Variants in RPS6KA2 observed in about 807,000 individuals in gnomAD.
RPS6KA2 encodes the protein ribosomal protein S6 kinase alpha-2.
In RPS6KA2, 42 loss-of-function variants were observed where a neutral mutation model predicts 91.8. The ratio of observed to expected loss-of-function variants is 0.46; its 90% CI spans 0.36 to 0.59. The LOEUF is 0.59. RPS6KA2 is among the 20% of genes least tolerant of loss of function. The pLI is 0.00. For synonymous variants in RPS6KA2, 414 were observed against 393.6 expected (o/e 1.05, Z -0.61); for missense variants, 798 against 978.5 (o/e 0.82, Z 2.46).
At chr6:166,727,317 CAA>C (rs1491187419) in intron 2 of RPS6KA2, among the ~76,000 whole-genome samples, 9 of 135,274 alleles carry the variant, frequency 6.7e-5, no homozygotes, top group African/African-American at 2.4e-4. Flanking sequence ...CTTAAACAAA[CAA>C]ACACACACAC....
At chr6:166,829,507 C>T (rs891950645) in intron 2 of RPS6KA2, among the ~76,000 whole-genome samples, 6 of 142,162 alleles carry the variant, frequency 4.2e-5, no homozygotes, top group Non-Finnish European at 8.9e-5. Context: ...AGGAGAATGG[C>T]GTGAACCTGG....
chr6:166,859,506 G>A (rs535566677), intron 1 of RPS6KA2, among the ~76,000 whole-genome samples: 8 of 152,256 alleles, frequency 5.3e-5, no homozygotes, highest in South Asian at 2.1e-4. Flanking sequence ...AGATTCTGCC[G>A]GGGTTTTCTG....
chr6:166,803,169 C>T (rs865946048), intron 2 of RPS6KA2, among the ~76,000 whole-genome samples: 2 of 152,136 alleles, frequency 1.3e-5, no homozygotes, highest in African/African-American at 4.8e-5. Flanking sequence ...ACCAAATACC[C>T]TTCAAATAGA....
intron 11 of RPS6KA2, among the ~76,000 whole-genome samples, chr6:166,468,659 C>T (rs1417908928): frequency 2.0e-5 from 3 of 151,830 alleles, no homozygotes; most frequent in Non-Finnish European, 2.9e-5. Context: ...GTCAGGAGAT[C>T]GAGATCATCC....
intron 1 of RPS6KA2, among the ~76,000 whole-genome samples, chr6:166,553,376 G>A (rs989701930): frequency 1.3e-5 from 2 of 151,484 alleles, no homozygotes; most frequent in African/African-American, 2.4e-5. Flanking sequence ...TGCCCACCAC[G>A]GACTCCCAAA....
In RPS6KA2 at chr6:166,480,493, ATATATATATAT is replaced by A. The variant is rs1469120056; in HGVS notation, c.907+8329_907+8339del. Among the ~76,000 whole-genome samples the A allele has an allele frequency of 2.3e-4, 30 of 129,702 alleles. 1 individual carries two copies. The highest frequency in any genetic ancestry group is 9.5e-4 in the African/African-American group (30 of 31,578). The allele number at this position is 129,702 out of a possible 152,430, so 85.1% of individuals were successfully genotyped here. A position where few individuals can be genotyped will look rare whatever the true frequency, so the allele number is the denominator to read the frequency against. ...AGATTGTGATTTTATATATATATAT[ATATATATATAT>A]ATATATATATAATATATTTTTTTTT... On this transcript the variant is annotated intron_variant, in intron 10 of 20. Coordinates refer to ENST00000265678, the MANE Select transcript of RPS6KA2 (RefSeq NM_021135.6).
intron 2 of RPS6KA2, among the ~76,000 whole-genome samples, chr6:166,698,121 T>C (rs1269896878): frequency 6.6e-6 from 1 of 152,068 alleles, no homozygotes; most frequent in Non-Finnish European, 1.5e-5. Flanking sequence ...ATGGGTGACA[T>C]AGGAAATGCT....
intron 2 of RPS6KA2, among the ~76,000 whole-genome samples, chr6:166,730,385 C>A (rs1323054349): frequency 7.1e-6 from 1 of 141,686 alleles, no homozygotes; most frequent in Non-Finnish European, 1.5e-5. Flanking sequence ...AAAAATATGT[C>A]ATCAGTCATA....
chr6:166,493,387 C>T lies in RPS6KA2; in HGVS notation c.748-2646G>A, dbSNP rs1002193184. Among the ~76,000 whole-genome samples, 5 of 151,978 alleles carry T rather than the reference C, an allele frequency of 3.3e-5. No homozygotes were observed. The highest frequency in any genetic ancestry group is 2.0e-4 in the Admixed American group (3 of 15,256). Reference sequence around the variant, plus strand: ...GAGCTGCCCGGGAACTTTCCAGTGCCGAAGCATTACTGACTGAGGTTTTGC... The same window carrying T: ...GAGCTGCCCGGGAACTTTCCAGTGCTGAAGCATTACTGACTGAGGTTTTGC... On this transcript the variant is annotated intron_variant, in intron 8 of 20. Transcript: ENST00000265678. This position sits in a 1 kb window ranked among gnomAD's most constrained non-coding sequence, Gnocchi z 4.7.
intron 2 of RPS6KA2, among the ~76,000 whole-genome samples, chr6:166,728,578 C>T (rs185386869): frequency 1.3e-5 from 2 of 152,166 alleles, no homozygotes; most frequent in African/African-American, 2.4e-5. Context: ...GCCCTCCTCC[C>T]CGTCAGCCAG....
chr6:166,423,464 C>G lies in RPS6KA2; in HGVS notation c.1582-47G>C. 6.4e-7 allele frequency: 1 copy of G among 1,559,332 alleles called. No homozygotes were observed. The highest frequency in any genetic ancestry group is 8.7e-7 in the Non-Finnish European group (1 of 1,143,368). ...GCCTACTTGGGGGCTGAGGACTGAGCAGGAGAGGGAGGGCAGGTGCATTTG... is the reference window on the plus strand; with the variant it reads ...GCCTACTTGGGGGCTGAGGACTGAGGAGGAGAGGGAGGGCAGGTGCATTTG... On this transcript the variant is annotated intron_variant, in intron 16 of 20. Coordinates refer to ENST00000265678, the MANE Select transcript of RPS6KA2 (RefSeq NM_021135.6). This position sits in a 1 kb window ranked among gnomAD's most constrained non-coding sequence, Gnocchi z 4.8.
At chr6:166,621,529 A>C (rs920401382) in intron 1 of RPS6KA2, among the ~76,000 whole-genome samples, 9 of 152,242 alleles carry the variant, frequency 5.9e-5, no homozygotes, top group Admixed American at 3.9e-4. Flanking sequence ...AATAGCTTTT[A>C]CTAGTGAAAA....
At position 166,832,240 on chromosome 6, in the gene RPS6KA2, C is replaced by G. The variant is rs1427946419; in HGVS notation, c.123+25960G>C. On this transcript the variant is annotated intron_variant, in intron 2 of 21. Transcript: ENST00000503859. ...GCTGATGGTGTTGGAATTTGCCTGG[C>G]CTGGGAGGAAGAGCTGAGTTAGGAT... Among the ~76,000 whole-genome samples the G allele has an allele frequency of 2.0e-5, 3 of 152,056 alleles. No individual in the cohort carries two copies. In the East Asian group the frequency reaches 5.8e-4, roughly 29 times the overall value.
At chr6:166,663,478 A>C (rs1288640951) in intron 2 of RPS6KA2, among the ~76,000 whole-genome samples, 2 of 152,232 alleles carry the variant, frequency 1.3e-5, no homozygotes, top group Admixed American at 6.5e-5. Context: ...ACGGCCAAGG[A>C]GTTCTTCAGG....
chr6:166,779,557 A>G (rs1778711918), intron 2 of RPS6KA2, among the ~76,000 whole-genome samples: 1 of 152,160 alleles, frequency 6.6e-6, no homozygotes, highest in Non-Finnish European at 1.5e-5. Context: ...AGGGAGAGAA[A>G]GAACCAGTAA....
intron 2 of RPS6KA2, among the ~76,000 whole-genome samples, chr6:166,641,244 G>T (rs894562390): frequency 6.6e-6 from 1 of 152,052 alleles, no homozygotes; most frequent in African/African-American, 2.4e-5. Context: ...TCCAAAATCA[G>T]ACCTGTACAG....
At position 166,480,514 on chromosome 6, in the gene RPS6KA2, T is replaced by TATATAA. The variant is rs1554279395; in HGVS notation, c.907+8318_907+8319insTTATAT. ...ATATATATATATATATATATATATA[T>TATATAA]AATATATTTTTTTTTTTTGAGAGAG... On this transcript the variant is annotated intron_variant, in intron 10 of 20. Coordinates refer to ENST00000265678, the MANE Select transcript of RPS6KA2 (RefSeq NM_021135.6). 4.9e-3 allele frequency among the ~76,000 whole-genome samples: 544 copies of TATATAA among 110,562 alleles called. 9 individuals are homozygous for TATATAA. The highest frequency in any genetic ancestry group is 0.017 in the African/African-American group (442 of 25,570). The allele number at this position is 110,562 out of a possible 152,430, so 72.5% of individuals were successfully genotyped here. A position where few individuals can be genotyped will look rare whatever the true frequency, so the allele number is the denominator to read the frequency against.
In RPS6KA2 at chr6:166,437,839, G is replaced by T. The variant is rs1211773955; in HGVS notation, c.1333-5349C>A. Reference sequence around the variant, plus strand: ...CCTTTCCTCCTGCTGGCCGAAGGCGGCAACAGGAGACTTCACCGCTCTCGA... The same window carrying T: ...CCTTTCCTCCTGCTGGCCGAAGGCGTCAACAGGAGACTTCACCGCTCTCGA... On this transcript the variant is annotated intron_variant, in intron 14 of 20. Transcript: ENST00000265678. This position sits in a 1 kb window ranked among gnomAD's most constrained non-coding sequence, Gnocchi z 4.3. 1.3e-5 allele frequency among the ~76,000 whole-genome samples: 2 copies of T among 152,100 alleles called. No individual in the cohort carries two copies. The highest frequency in any genetic ancestry group is 1.5e-5 in the Non-Finnish European group (1 of 68,000).
At chr6:166,804,496 A>G (rs1199230935) in intron 2 of RPS6KA2, among the ~76,000 whole-genome samples, 2 of 151,606 alleles carry the variant, frequency 1.3e-5, no homozygotes, top group Non-Finnish European at 2.9e-5. Flanking sequence ...AAGACATATG[A>G]TCTGGATTGA....
Sources: allele counts gnomAD v4.1 joint callset (sites outside exome capture counted in the v4.1 genomes callset), GRCh38; gene constraint gnomAD v4.1.1; non-coding constraint Gnocchi (gnomAD v3.1); transcripts MANE v1.5; gene names NCBI Gene and HGNC (gene_info 2026-07-23, HGNC 2026-07-21).